GPR176: variants seen among roughly 807,000 people sequenced by gnomAD.
GPR176 encodes the protein G protein-coupled receptor 176, also known as G-protein coupled receptor 176.
GPR176 carries 26 observed loss-of-function variants against 35.4 expected under a neutral mutation model. That is an observed-to-expected ratio of 0.74 (90% CI 0.54 to 1.02). The LOEUF (loss-of-function observed/expected upper bound fraction) is 1.02. Among genes scored for constraint, GPR176 ranks in the 50% least tolerant of loss-of-function variants. GPR176 has a pLI of 0.00. For synonymous variants in GPR176, 278 were observed against 271.3 expected (o/e 1.02, Z -0.24); for missense variants, 597 against 665.3 (o/e 0.90, Z 1.13).
At chr15:39,905,747 T>C (rs1161215687) in intron 1 of GPR176, among the ~76,000 whole-genome samples, 4 of 152,230 alleles carry the variant, frequency 2.6e-5, no homozygotes, top group African/African-American at 4.8e-5. Context: ...TATAACGATC[T>C]TGAATTAGCA....
At chr15:39,882,231 C>G (rs904278211) in intron 1 of GPR176, among the ~76,000 whole-genome samples, 5 of 152,216 alleles carry the variant, frequency 3.3e-5, no homozygotes, top group African/African-American at 1.2e-4. Context: ...TGACAAATCA[C>G]ATGCTCAGAG....
intron 1 of GPR176, among the ~76,000 whole-genome samples, chr15:39,868,532 T>C (rs954507172): frequency 2.0e-5 from 3 of 152,336 alleles, no homozygotes; most frequent in South Asian, 2.1e-4. Flanking sequence ...TGGCTAATCA[T>C]GGTATCTAGG....
chr15:39,833,820 T>C (rs1901239184), intron 1 of GPR176, among the ~76,000 whole-genome samples: 1 of 152,160 alleles, frequency 6.6e-6, no homozygotes, highest in African/African-American at 2.4e-5. Flanking sequence ...CCCAATTAAG[T>C]CAAAGAATAA....
At chr15:39,907,853 C>A (rs548985621) in intron 1 of GPR176, among the ~76,000 whole-genome samples, 1 of 152,020 alleles carries the variant, frequency 6.6e-6, no homozygotes, top group Non-Finnish European at 1.5e-5. Flanking sequence ...GGCATGGTGG[C>A]GTATGCCTGT....
chr15:39,862,816 T>C (rs1444160203), intron 1 of GPR176, among the ~76,000 whole-genome samples: 2 of 152,074 alleles, frequency 1.3e-5, no homozygotes, highest in African/African-American at 4.8e-5. Context: ...ATTTACCACA[T>C]TATACTTTTA....
chr15:39,889,075 C>T (rs1306959563), intron 1 of GPR176, among the ~76,000 whole-genome samples: 3 of 152,194 alleles, frequency 2.0e-5, no homozygotes, highest in Non-Finnish European at 4.4e-5. Context: ...TCTAACTAAG[C>T]TTTATCTACC....
chr15:39,822,684 C>T (rs558009902), intron 1 of GPR176, among the ~76,000 whole-genome samples: 1 of 152,292 alleles, frequency 6.6e-6, no homozygotes, highest in South Asian at 2.1e-4. Context: ...CCTTTTTATT[C>T]TCTGACTTTC....
At chr15:39,831,277 C>T (rs72729422) in intron 1 of GPR176, among the ~76,000 whole-genome samples, 3,413 of 152,226 alleles carry the variant, frequency 0.022, 65 homozygotes, top group Non-Finnish European at 0.036. Flanking sequence ...ATGTTCCTAT[C>T]CCTAACTTTC....
At chr15:39,907,976 C>T (rs1163210737) in intron 1 of GPR176, among the ~76,000 whole-genome samples, 2 of 152,150 alleles carry the variant, frequency 1.3e-5, no homozygotes, top group South Asian at 4.1e-4. Context: ...AAGAGTGAGA[C>T]CCTGTCTCAA....
intron 1 of GPR176, among the ~76,000 whole-genome samples, chr15:39,835,080 C>A (rs1901311004): frequency 6.6e-6 from 1 of 152,030 alleles, no homozygotes; most frequent in South Asian, 2.1e-4. Flanking sequence ...TGCAATGGTG[C>A]AATCTCAGCT....
chr15:39,883,441 C>A (rs2032557315), intron 1 of GPR176, among the ~76,000 whole-genome samples: 1 of 152,058 alleles, frequency 6.6e-6, no homozygotes, highest in Admixed American at 6.5e-5. Context: ...ATTTAATGTA[C>A]ACAATTCAAA....
intron 1 of GPR176, among the ~76,000 whole-genome samples, chr15:39,889,317 G>A (rs1396562367): frequency 6.6e-6 from 1 of 152,162 alleles, no homozygotes. Context: ...GGAGGCTGAG[G>A]TGGGTGGATC....
intron 1 of GPR176, among the ~76,000 whole-genome samples, chr15:39,861,669 C>T (rs933055602): frequency 6.6e-6 from 1 of 152,078 alleles, no homozygotes; most frequent in African/African-American, 2.4e-5. Flanking sequence ...ATTTAATATT[C>T]TGTACTCTTA....
chr15:39,872,981 T>C lies in GPR176; in HGVS notation c.172+46874A>G, dbSNP rs113223076. Among the ~76,000 whole-genome samples, 592 of 147,994 alleles carry C rather than the reference T, an allele frequency of 4.0e-3. 1 individual carries two copies. Among genetic ancestry groups the C allele is most frequent in the Non-Finnish European group, 6.8e-3 (457 of 67,132 alleles). On this transcript the variant is annotated intron_variant, in intron 1 of 2. Transcript: ENST00000561100. ...TGTGTGTGTGTAATCATGAGAGTAA[T>C]AGAATCCAAACAGTGCTTTAAGAAA...
At chr15:39,807,529 T>G (rs1352057527) in intron 1 of GPR176, 1 of 1,509,496 alleles carries the variant, frequency 6.6e-7, no homozygotes, top group East Asian at 2.5e-5. Flanking sequence ...TAACGATGGC[T>G]TAGTCTCATC....
chr15:39,808,403 G>T (rs924670330), intron 1 of GPR176, among the ~76,000 whole-genome samples: 1 of 152,090 alleles, frequency 6.6e-6, no homozygotes, highest in African/African-American at 2.4e-5. Context: ...TCCTGCCTCA[G>T]TGCCTTTGTA....
chr15:39,861,381 C>T (rs916580067), intron 1 of GPR176, among the ~76,000 whole-genome samples: 1 of 152,024 alleles, frequency 6.6e-6, no homozygotes, highest in Non-Finnish European at 1.5e-5. Flanking sequence ...GAAACCCTGT[C>T]TCCACTAAAA....
intron 1 of GPR176, among the ~76,000 whole-genome samples, chr15:39,880,103 A>T (rs1465548015): frequency 6.6e-6 from 1 of 152,226 alleles, no homozygotes; most frequent in African/African-American, 2.4e-5. Flanking sequence ...CTGGCTAGGA[A>T]ATCTTCAACT....
intron 1 of GPR176, among the ~76,000 whole-genome samples, chr15:39,842,697 C>G (rs972779797): frequency 6.6e-6 from 1 of 152,130 alleles, no homozygotes; most frequent in African/African-American, 2.4e-5. Context: ...GAATCTGCCT[C>G]TAAGATCAGA....
Sources: allele counts gnomAD v4.1 joint callset (sites outside exome capture counted in the v4.1 genomes callset), GRCh38; gene constraint gnomAD v4.1.1; transcripts MANE v1.5; gene names NCBI Gene and HGNC (gene_info 2026-07-23, HGNC 2026-07-21).